ART3: variants seen among roughly 807,000 people sequenced by gnomAD.
ART3 encodes ADP-ribosyltransferase 3 (inactive).
Under a neutral mutation model 48.5 loss-of-function variants are expected in ART3, and 49 were observed. That is an observed-to-expected ratio of 1.01 (90% CI 0.80 to 1.28). The LOEUF (loss-of-function observed/expected upper bound fraction) is 1.28, where lower values mean the gene tolerates loss of function less well. ART3 is among the 50% of genes most tolerant of loss of function. The pLI is 0.00. For missense variants in ART3, 438 were observed against 454.3 expected (o/e 0.96, Z 0.33); for synonymous variants, 145 against 157.2 (o/e 0.92, Z 0.58).
intron 1 of ART3, among the ~76,000 whole-genome samples, chr4:76,026,746 A>G (rs1733424265): frequency 6.6e-6 from 1 of 152,242 alleles, no homozygotes; most frequent in Non-Finnish European, 1.5e-5. Flanking sequence ...AGGAATGCAA[A>G]TATCCTCAGT....
intron 3 of ART3, among the ~76,000 whole-genome samples, chr4:76,085,063 C>A (rs1240340900): frequency 6.6e-6 from 1 of 152,230 alleles, no homozygotes; most frequent in Admixed American, 6.5e-5. Context: ...CCCTGGACTC[C>A]TGTGAAGACT....
At chr4:76,043,857 C>G (rs1425929523) in intron 1 of ART3, among the ~76,000 whole-genome samples, 1 of 151,956 alleles carries the variant, frequency 6.6e-6, no homozygotes, top group East Asian at 1.9e-4. Context: ...CTCAATCCCA[C>G]CTCTAAACAG....
chr4:76,043,503 T>C (rs1463554246), intron 1 of ART3, among the ~76,000 whole-genome samples: 1 of 152,112 alleles, frequency 6.6e-6, no homozygotes, highest in African/African-American at 2.4e-5. Flanking sequence ...GGGGACCCAG[T>C]ACACCCTCCG....
intron 2 of ART3, among the ~76,000 whole-genome samples, chr4:76,077,119 T>C (rs938349828): frequency 6.6e-6 from 1 of 152,194 alleles, no homozygotes; most frequent in Non-Finnish European, 1.5e-5. Flanking sequence ...ATCACCACTA[T>C]CTGATTGCAA....
intron 4 of ART3, among the ~76,000 whole-genome samples, chr4:76,098,424 GA>G (rs1294042336): frequency 6.6e-6 from 1 of 152,028 alleles, no homozygotes; most frequent in Non-Finnish European, 1.5e-5. Flanking sequence ...AGAAGAGAGA[GA>G]AAAAAAGTTC....
intron 1 of ART3, among the ~76,000 whole-genome samples, chr4:76,046,767 CAA>C (rs1283965485): frequency 1.3e-5 from 2 of 151,822 alleles, no homozygotes; most frequent in African/African-American, 4.8e-5. Flanking sequence ...TCAGGAATAA[CAA>C]AAAAGGCATG....
At chr4:76,057,425 A>G (rs888877002) in intron 1 of ART3, among the ~76,000 whole-genome samples, 6 of 152,354 alleles carry the variant, frequency 3.9e-5, no homozygotes, top group African/African-American at 1.2e-4. Flanking sequence ...TACTATGGTC[A>G]TAAAAGATGT....
At chr4:76,018,474 A>G (rs910885681) in intron 1 of ART3, among the ~76,000 whole-genome samples, 1 of 152,120 alleles carries the variant, frequency 6.6e-6, no homozygotes, top group Non-Finnish European at 1.5e-5. Flanking sequence ...TTCAAAAACT[A>G]CCTATCTGGT....
chr4:76,091,802 C>T (rs1263587956), intron 3 of ART3, among the ~76,000 whole-genome samples: 1 of 151,392 alleles, frequency 6.6e-6, no homozygotes, highest in Non-Finnish European at 1.5e-5. Flanking sequence ...CTGCCTCAGT[C>T]TCCCAAGTAG....
At chr4:76,051,577 T>C (rs1203178105) in intron 1 of ART3, among the ~76,000 whole-genome samples, 1 of 152,218 alleles carries the variant, frequency 6.6e-6, no homozygotes, top group African/African-American at 2.4e-5. Flanking sequence ...ACCTGCTCTA[T>C]CGCCCAGGCT....
intron 3 of ART3, among the ~76,000 whole-genome samples, chr4:76,084,801 T>C (rs1283094688): frequency 6.6e-6 from 1 of 152,094 alleles, no homozygotes; most frequent in East Asian, 1.9e-4. Context: ...GCTGGGAGGA[T>C]TGTGAATGAA....
chr4:76,088,182 C>G (rs1004222959), intron 3 of ART3, among the ~76,000 whole-genome samples: 4 of 151,848 alleles, frequency 2.6e-5, no homozygotes, highest in African/African-American at 9.7e-5. Context: ...GGCAAATATA[C>G]TAGGTTTATA....
intron 11 of ART3, 102 bp from the exon 12 acceptor site, chr4:76,112,283 TC>T: frequency 7.2e-7 from 1 of 1,395,030 alleles, no homozygotes; most frequent in Non-Finnish European, 9.6e-7. Context: ...AGTTTCTACT[TC>T]AACTTTAGTG....
At chr4:76,025,880 A>G (rs1231842135) in intron 1 of ART3, among the ~76,000 whole-genome samples, 1 of 152,198 alleles carries the variant, frequency 6.6e-6, no homozygotes, top group South Asian at 2.1e-4. Flanking sequence ...TTTTCTGGGC[A>G]TATGCTTTCA....
intron 1 of ART3, among the ~76,000 whole-genome samples, chr4:76,049,320 G>A (rs6827767): frequency 0.59 from 89,657 of 151,608 alleles, 27,663 homozygotes; most frequent in East Asian, 0.94. Flanking sequence ...GGACCCAGGC[G>A]GCAAGGGTCA....
At position 76,082,457 on chromosome 4, in the gene ART3, C is replaced by T; in HGVS notation, c.703C>T (p.Gln235Ter). 5.0e-6 allele frequency: 8 copies of T among 1,613,200 alleles called. No homozygotes were observed. The highest frequency in any genetic ancestry group is 6.8e-6 in the Non-Finnish European group (8 of 1,179,884). Residue 235 changes from glutamine (Q) to a stop codon, truncating the protein, a stop_gained, in exon 3 of 12, where the codon CAG (glutamine) becomes TAG (stop). Transcript: ENST00000355810. LOFTEE classifies it high-confidence loss of function. ...IPLNEVFQVS[Q>*]EGAGNNLILQ... ...TCTGAATGAGGTTTTTCAAGTGTCACAGGAGGGGGCTGGCAATAACCTTAT... is the reference window on the plus strand; with the variant it reads ...TCTGAATGAGGTTTTTCAAGTGTCATAGGAGGGGGCTGGCAATAACCTTAT...
chr4:76,104,777 G>A (rs1728105827), intron 10 of ART3, 148 bp downstream of exon 10: 1 of 1,053,970 alleles, frequency 9.5e-7, no homozygotes, highest in Admixed American at 2.4e-5. Context: ...AGGAATATTT[G>A]TAAGGACTAT....
chr4:76,049,330 A>G (rs977729407), intron 1 of ART3, among the ~76,000 whole-genome samples: 6 of 151,950 alleles, frequency 3.9e-5, no homozygotes, highest in Admixed American at 3.9e-4. Context: ...GGCAAGGGTC[A>G]GGATAGATAG....
At chr4:76,035,434 A>G in intron 1 of ART3, 1 of 1,318,852 alleles carries the variant, frequency 7.6e-7, no homozygotes, top group Non-Finnish European at 1.1e-6. Flanking sequence ...CAGAATTTTC[A>G]TTAAGGGTAA....
Sources: allele counts gnomAD v4.1 joint callset (sites outside exome capture counted in the v4.1 genomes callset), GRCh38; gene constraint gnomAD v4.1.1; transcripts MANE v1.5; gene names NCBI Gene and HGNC (gene_info 2026-07-23, HGNC 2026-07-21).